EIF4E2: variants seen among roughly 807,000 people sequenced by gnomAD.
The protein encoded by EIF4E2 is eukaryotic translation initiation factor 4E family member 2.
In EIF4E2, 13 loss-of-function variants were observed where a neutral mutation model predicts 34.2. That is an observed-to-expected ratio of 0.38 (90% CI 0.25 to 0.60). EIF4E2 has a LOEUF of 0.60. Ranked by LOEUF, EIF4E2 falls within the 20% of genes least tolerant of loss-of-function variation. The pLI is 0.62. For synonymous variants in EIF4E2, 100 were observed against 106.6 expected (o/e 0.94, Z 0.38); for missense variants, 222 against 315.1 (o/e 0.70, Z 2.24).
At chr2:232,557,785 T>A in intron 2 of EIF4E2, 99 bp from the exon 3 acceptor site, 2 of 1,368,380 alleles carry the variant, frequency 1.5e-6, no homozygotes, top group Non-Finnish European at 2.0e-6. Flanking sequence ...TATCCTTTTT[T>A]AATTGTGGAG....
At chr2:232,583,319 T>G (rs564987156) in exon 7 of EIF4E2, 1 of 153,198 alleles carries the variant, frequency 6.5e-6, no homozygotes, top group Non-Finnish European at 1.5e-5. Flanking sequence ...ACTCCTTTGC[T>G]GGGTTTTCTG....
intron 1 of EIF4E2, among the ~76,000 whole-genome samples, chr2:232,555,649 C>T (rs1007661567): frequency 6.6e-6 from 1 of 152,190 alleles, no homozygotes; most frequent in Admixed American, 6.5e-5. Context: ...AGGGAACTCT[C>T]TCTCTAGTAG....
At position 232,566,796 on chromosome 2, in the gene EIF4E2, A is replaced by G. The variant is rs747920183; in HGVS notation, c.376-33A>G. On this transcript the variant is annotated intron_variant, in intron 4 of 6. Coordinates refer to ENST00000258416, the MANE Select transcript of EIF4E2 (RefSeq NM_004846.4). The surrounding 1 kb of genome is among the most constrained non-coding windows in gnomAD (Gnocchi z 4.9). ...ATACAAAAAAAGGCTGTGAAACCAT[A>G]TTTTAACTTCAGTGCTTTCTGTCTT... 6 of 1,612,524 alleles carry G rather than the reference A, an allele frequency of 3.7e-6. No individual in the cohort carries two copies. The highest frequency in any genetic ancestry group is 3.4e-5 in the Admixed American group (2 of 59,512).
intron 6 of EIF4E2, chr2:232,574,320 C>T: frequency 6.4e-7 from 1 of 1,550,544 alleles, no homozygotes; most frequent in Non-Finnish European, 8.7e-7. Flanking sequence ...CGGACGCTCC[C>T]CCTCTGTCTC....
intron 2 of EIF4E2, chr2:232,557,580 A>G (rs1395457286): frequency 3.5e-6 from 1 of 281,930 alleles, no homozygotes; most frequent in African/African-American, 2.2e-5. Context: ...GATGAATCTC[A>G]TAGAGGAGGC....
chr2:232,560,198 C>G (rs1233238897), intron 3 of EIF4E2, among the ~76,000 whole-genome samples: 1 of 152,216 alleles, frequency 6.6e-6, no homozygotes, highest in East Asian at 1.9e-4. Flanking sequence ...TTCATCGTAT[C>G]CTTTGTTTAT....
chr2:232,567,380 C>T (rs1209984324), intron 6 of EIF4E2, 166 bp downstream of exon 6: 15 of 1,427,414 alleles, frequency 1.1e-5, no homozygotes, highest in East Asian at 7.9e-5. Flanking sequence ...TCTTTGTCAG[C>T]GAGGCTCCCT....
chr2:232,574,251 C>G (rs1693157646), intron 6 of EIF4E2: 3 of 1,550,514 alleles, frequency 1.9e-6, no homozygotes, highest in Non-Finnish European at 2.6e-6. Context: ...TTTTTTGTCT[C>G]TGGTTTGCCA....
rs746994236 is a variant in EIF4E2 at position 232,581,054 on chromosome 2, G to A, written c.*111G>A. The A allele has an allele frequency of 4.0e-5, 43 of 1,070,686 alleles. No individual in the cohort carries two copies. Among genetic ancestry groups the A allele is most frequent in the Admixed American group, 2.0e-4 (10 of 50,338 alleles). 66.3% of individuals were successfully genotyped at this position (1,070,686 alleles called of 1,614,324 possible). ...CTCACTGAAGGGACGTCCCTGAGCC[G>A]TGCGCTCTCCTTTTGCACTCATTCC... On this transcript the variant is annotated 3_prime_UTR_variant, in exon 7 of 7. Coordinates refer to the EIF4E2 transcript ENST00000409098. This position sits in a 1 kb window ranked among gnomAD's most constrained non-coding sequence, Gnocchi z 5.2.
Position 232,566,811 on chromosome 2 carries a change from C to T in EIF4E2, c.376-18C>T, listed in dbSNP as rs1158750444. 6.2e-7 allele frequency: 1 copy of T among 1,613,754 alleles called. No homozygotes were observed. The highest frequency in any genetic ancestry group is 1.7e-5 in the Admixed American group (1 of 59,926). Reference sequence around the variant, plus strand: ...GTGAAACCATATTTTAACTTCAGTGCTTTCTGTCTTTTTACAGGATGATGC... The same window carrying T: ...GTGAAACCATATTTTAACTTCAGTGTTTTCTGTCTTTTTACAGGATGATGC... On this transcript the variant is annotated intron_variant, in intron 4 of 6. Transcript: ENST00000258416. This position sits in a 1 kb window ranked among gnomAD's most constrained non-coding sequence, Gnocchi z 4.9.
downstream of EIF4E2, among the ~76,000 whole-genome samples, chr2:232,571,174 G>A (rs538631035): frequency 6.6e-6 from 1 of 152,264 alleles, no homozygotes; most frequent in East Asian, 1.9e-4. Flanking sequence ...GCCTTTTCCT[G>A]CTGTTCCCCT....
intron 3 of EIF4E2, chr2:232,558,694 A>G (rs866708481): frequency 6.6e-6 from 1 of 151,990 alleles, no homozygotes; most frequent in Non-Finnish European, 1.5e-5. Flanking sequence ...TTTATAATAC[A>G]TGGTGTCTAT....
At chr2:232,573,254 A>G (rs1237396259), downstream of EIF4E2, among the ~76,000 whole-genome samples, 1 of 152,230 alleles carries the variant, frequency 6.6e-6, no homozygotes, top group Non-Finnish European at 1.5e-5. Flanking sequence ...ACCTCCTCTA[A>G]GAGGTAAATG....
Position 232,569,064 on chromosome 2 carries a change from G to T in EIF4E2, c.*47G>T. On this transcript the variant is annotated 3_prime_UTR_variant, in exon 7 of 7. Transcript: ENST00000258416. ...ACCATCATTGAAGCTGGCGTCATCG[G>T]AGTCTCTTGTTCTGTTGGCGTGCTA... 6.2e-7 allele frequency: 1 copy of T among 1,606,678 alleles called. No individual in the cohort carries two copies. Among genetic ancestry groups the T allele is most frequent in the African/African-American group, 1.3e-5 (1 of 74,978 alleles).
In EIF4E2 at chr2:232,566,742, T is replaced by G. The variant is rs1179730222; in HGVS notation, c.376-87T>G. 6.8e-7 allele frequency: 1 copy of G among 1,470,228 alleles called. No individual in the cohort carries two copies. Among genetic ancestry groups the G allele is most frequent in the Admixed American group, 1.9e-5 (1 of 51,640 alleles). 91.1% of individuals were successfully genotyped at this position (1,470,228 alleles called of 1,614,324 possible). ...GAAAGTGATATGACTTCTTAGTGTT[T>G]AAGAGATTCTTGGCTTTTTACTGCC... On this transcript the variant is annotated intron_variant, in intron 4 of 6. Transcript: ENST00000258416. The surrounding 1 kb of genome is among the most constrained non-coding windows in gnomAD (Gnocchi z 4.9).
chr2:232,565,397 G>C (rs952872237), intron 4 of EIF4E2, among the ~76,000 whole-genome samples: 2 of 151,950 alleles, frequency 1.3e-5, no homozygotes, highest in African/African-American at 4.8e-5. Flanking sequence ...ACTTTGGGAG[G>C]TCGAGGTGGA....
intron 6 of EIF4E2, among the ~76,000 whole-genome samples, chr2:232,580,479 A>G (rs545382231): frequency 2.0e-5 from 3 of 152,288 alleles, no homozygotes; most frequent in South Asian, 2.1e-4. Flanking sequence ...CATAATGTAT[A>G]TATGAGCAAG....
chr2:232,576,935 A>G (rs1459341572), intron 6 of EIF4E2, among the ~76,000 whole-genome samples: 1 of 152,212 alleles, frequency 6.6e-6, no homozygotes, highest in African/African-American at 2.4e-5. Context: ...TCCTCAATTT[A>G]TCTGCTATTT....
intron 1 of EIF4E2, among the ~76,000 whole-genome samples, chr2:232,552,610 CAAAG>C (rs1559311280): frequency 6.6e-6 from 1 of 152,322 alleles, no homozygotes; most frequent in South Asian, 2.1e-4. Context: ...ATTCCCGACA[CAAAG>C]GAAGGGCTAT....
Sources: gnomAD v4.1 joint callset for allele counts (sites outside exome capture counted in the v4.1 genomes callset) on GRCh38, gnomAD v4.1.1 for gene constraint, Gnocchi (gnomAD v3.1) non-coding constraint, MANE v1.5 for transcripts, NCBI Gene and HGNC (gene_info 2026-07-23, HGNC 2026-07-21) for gene names.